Variants in FOXL1 observed in about 807,000 individuals in gnomAD.
FOXL1 encodes forkhead box L1, also known as forkhead box protein L1.
Under a neutral mutation model 1.7 loss-of-function variants are expected in FOXL1, and 2 were observed. The observed-to-expected ratio is 1.21, with a 90% CI of 0.49 to 3.80. The LOEUF (loss-of-function observed/expected upper bound fraction) is 3.80, where lower values mean the gene tolerates loss of function less well. Among genes scored for constraint, FOXL1 ranks in the 30% most tolerant of loss-of-function variants. The probability of loss-of-function intolerance (pLI) is 0.07; values close to 1 mark genes in which losing one functional copy is unlikely to be tolerated. For synonymous variants in FOXL1, 280 were observed against 229.3 expected (o/e 1.22, Z -2.00); for missense variants, 565 against 495.8 (o/e 1.14, Z -1.32).
chr16:86,578,660 C>T lies in FOXL1; in HGVS notation c.-64C>T, dbSNP rs1974368637. On this transcript the variant is annotated 5_prime_UTR_variant, in exon 1 of 1. Coordinates refer to ENST00000320241, the MANE Select transcript of FOXL1 (RefSeq NM_005250.3). ...CCGGGAGGGCCCTTGCGGCGCGGGG[C>T]GCAGTGCCTAGGCCGCCCGGGTCTC... is the stretch of plus-strand genomic sequence containing the variant. The T allele has an allele frequency of 3.5e-6, 5 of 1,448,956 alleles. No homozygotes were observed. The highest frequency in any genetic ancestry group is 4.6e-6 in the Non-Finnish European group (5 of 1,081,792). The allele number at this position is 1,448,956 out of a possible 1,614,324, so 89.8% of individuals were successfully genotyped here.
In FOXL1 at chr16:86,579,792, C is replaced by G; in HGVS notation, c.*31C>G. ...ACAATGGCACGGTTCTTCTCCCGGC[C>G]CAGCCTGAGCCTCCGCTGAGCGAAA... On this transcript the variant is annotated 3_prime_UTR_variant, in exon 1 of 1. Transcript: ENST00000320241. 4.4e-6 allele frequency: 7 copies of G among 1,578,618 alleles called. No individual in the cohort carries two copies. Among genetic ancestry groups the G allele is most frequent in the Non-Finnish European group, 5.2e-6 (6 of 1,151,682 alleles).
At position 86,579,403 on chromosome 16, in the gene FOXL1, C is replaced by A; in HGVS notation, c.680C>A (p.Ala227Asp). 1 of 1,526,810 alleles carries A rather than the reference C, an allele frequency of 6.5e-7. No homozygotes were observed. Among genetic ancestry groups the A allele is most frequent in the Middle Eastern group, 2.0e-4 (1 of 5,100 alleles). 94.6% of individuals were successfully genotyped at this position (1,526,810 alleles called of 1,614,324 possible). Residue 227 changes from alanine (A) to aspartate (D), a missense_variant, in exon 1 of 1, where the codon GCC becomes GAC. Coordinates refer to ENST00000320241, the MANE Select transcript of FOXL1 (RefSeq NM_005250.3). ...DAGDAAQGAA[A>D]VAVGQAARTG... Reference sequence around the variant, plus strand: ...GGTGACGCTGCCCAGGGCGCAGCGGCCGTGGCGGTCGGCCAGGCAGCGCGC... The same window carrying A: ...GGTGACGCTGCCCAGGGCGCAGCGGACGTGGCGGTCGGCCAGGCAGCGCGC...
Position 86,579,209 on chromosome 16 carries a change from C to T in FOXL1, c.486C>T (p.His162=). The T allele has an allele frequency of 2.5e-6, 4 of 1,574,878 alleles. No homozygotes were observed. The highest frequency in any genetic ancestry group is 3.4e-6 in the Non-Finnish European group (4 of 1,161,886). Residue 162 remains histidine (H), a synonymous_variant, in exon 1 of 1, where the codon CAC becomes CAT. Coordinates refer to ENST00000320241, the MANE Select transcript of FOXL1 (RefSeq NM_005250.3). ...PEAKRPRAET[H]QRSAEAQPEA... ...CCAAGAGGCCCCGCGCCGAGACGCACCAGCGCAGCGCGGAGGCGCAGCCGG... is the reference window on the plus strand; with the variant it reads ...CCAAGAGGCCCCGCGCCGAGACGCATCAGCGCAGCGCGGAGGCGCAGCCGG...
Position 86,581,906 on chromosome 16 carries a change from C to T in FOXL1, c.*2145C>T, listed in dbSNP as rs932702176. 1 of 153,418 alleles carries T rather than the reference C, an allele frequency of 6.5e-6. No homozygotes were observed. The highest frequency in any genetic ancestry group is 1.5e-5 in the Non-Finnish European group (1 of 68,004). 9.5% of individuals were successfully genotyped at this position (153,418 alleles called of 1,614,324 possible). Reference sequence around the variant, plus strand: ...AGAAAGCACGATGAGTTAATTCTGCCGTATTGAATCGGTTTTTAATCTTTC... The same window carrying T: ...AGAAAGCACGATGAGTTAATTCTGCTGTATTGAATCGGTTTTTAATCTTTC... On this transcript the variant is annotated 3_prime_UTR_variant, in exon 1 of 1. Coordinates refer to ENST00000320241, the MANE Select transcript of FOXL1 (RefSeq NM_005250.3).
At position 86,578,816 on chromosome 16, in the gene FOXL1, C is replaced by G. The variant is rs1974372084; in HGVS notation, c.93C>G (p.Ala31=). The G allele has an allele frequency of 1.9e-6, 3 of 1,613,524 alleles. No individual in the cohort carries two copies. The Admixed American group carries it at 5.0e-5, about 27-fold the overall frequency. The change falls in exon 1 of 1, where the codon GCC becomes GCG. Residue 31 remains alanine (A), a synonymous_variant. Transcript: ENST00000320241. ...CCGAGAGACCCGGCCTCCCTCTGGC[C>G]TTCGCCCCCGCGGCTGCTCTAGCTG... ...YGPERPGLPL[A]FAPAAALAAS...
chr16:86,582,518 C>G lies in FOXL1; in HGVS notation c.*2757C>G, dbSNP rs1229732911. On this transcript the variant is annotated 3_prime_UTR_variant, in exon 1 of 1. Coordinates refer to ENST00000320241, the MANE Select transcript of FOXL1 (RefSeq NM_005250.3). ...ATCTTTGGTTCAAGCCCTGATTACA[C>G]ACACACACAAACAAATACCCACACA... Among the ~76,000 whole-genome samples, 2 of 152,184 alleles carry G rather than the reference C, an allele frequency of 1.3e-5. No homozygotes were observed. Among genetic ancestry groups the G allele is most frequent in the Non-Finnish European group, 2.9e-5 (2 of 68,030 alleles).
rs1174551852 is a variant in FOXL1, at chr16:86,579,659, G to T, written c.936G>T (p.Leu312=). The change falls in exon 1 of 1, where the codon CTG becomes CTT. Residue 312 remains leucine, a synonymous_variant. Coordinates refer to ENST00000320241, the MANE Select transcript of FOXL1 (RefSeq NM_005250.3). ...TCCGTCCGCCTTTCAACGCTTCCCTGATGCTCGACCCGCATGTCCAGGGCG... is the reference window on the plus strand; with the variant it reads ...TCCGTCCGCCTTTCAACGCTTCCCTTATGCTCGACCCGCATGTCCAGGGCG... ...SSLRPPFNAS[L]MLDPHVQGGF... is the part of the protein sequence containing the mutation. 1 of 1,613,868 alleles carries T rather than the reference G, an allele frequency of 6.2e-7. No individual in the cohort carries two copies. The highest frequency in any genetic ancestry group is 2.2e-5 in the East Asian group (1 of 44,866).
chr16:86,581,263 C>T lies in FOXL1; in HGVS notation c.*1502C>T, dbSNP rs1300408528. On this transcript the variant is annotated 3_prime_UTR_variant, in exon 1 of 1. Coordinates refer to ENST00000320241, the MANE Select transcript of FOXL1 (RefSeq NM_005250.3). ...TTTATTTTATGTCATGTGATAAAGA[C>T]ACAAGTAGTCACGCACTATTGGAAA... 1 of 167,054 alleles carries T rather than the reference C, an allele frequency of 6.0e-6. No homozygotes were observed. Among genetic ancestry groups the T allele is most frequent in the Non-Finnish European group, 1.5e-5 (1 of 68,110 alleles). The allele number at this position is 167,054 out of a possible 1,614,324, so 10.3% of individuals were successfully genotyped here.
Position 86,580,759 on chromosome 16 carries a change from C to T in FOXL1, c.*998C>T, listed in dbSNP as rs1205679102. 1 of 166,952 alleles carries T rather than the reference C, an allele frequency of 6.0e-6. No homozygotes were observed. Among genetic ancestry groups the T allele is most frequent in the Non-Finnish European group, 1.5e-5 (1 of 68,116 alleles). The allele number at this position is 166,952 out of a possible 1,614,324, so 10.3% of individuals were successfully genotyped here. On this transcript the variant is annotated 3_prime_UTR_variant, in exon 1 of 1. Coordinates refer to ENST00000320241, the MANE Select transcript of FOXL1 (RefSeq NM_005250.3). ...TTTCCATGTTTTTTCAAGATCCAGG[C>T]TTGGTGGTCGCTATATTTTTCAGAA...
rs1974367652 is a variant in FOXL1 at position 86,578,611 on chromosome 16, A to T, written c.-113A>T. 1.2e-6 allele frequency: 1 copy of T among 841,754 alleles called. No homozygotes were observed. The highest frequency in any genetic ancestry group is 1.7e-5 in the African/African-American group (1 of 58,770). The allele number at this position is 841,754 out of a possible 1,614,324, so 52.1% of individuals were successfully genotyped here. A position where few individuals can be genotyped will look rare whatever the true frequency, so the allele number is the denominator to read the frequency against. On this transcript the variant is annotated 5_prime_UTR_variant, in exon 1 of 1. Transcript: ENST00000320241. Reference sequence around the variant, plus strand: ...AGCGGCCGGGGAGAGCGGCAGAGCCAGAGGCAGAGGCACGGCTGGCTCCCC... The same window carrying T: ...AGCGGCCGGGGAGAGCGGCAGAGCCTGAGGCAGAGGCACGGCTGGCTCCCC...
In FOXL1 at chr16:86,579,765, A is replaced by G. The variant is rs199660959; in HGVS notation, c.*4A>G. 2.2e-5 allele frequency: 35 copies of G among 1,610,710 alleles called. No individual in the cohort carries two copies. In the African/African-American group the frequency reaches 4.1e-4, roughly 19 times the overall value. On this transcript the variant is annotated 3_prime_UTR_variant, in exon 1 of 1. Transcript: ENST00000320241. ...CACGGTACTCCACTTCCAGTAAAGCAAACAATGGCACGGTTCTTCTCCCGG... is the reference window on the plus strand; with the variant it reads ...CACGGTACTCCACTTCCAGTAAAGCGAACAATGGCACGGTTCTTCTCCCGG...
In FOXL1 at chr16:86,579,459, C is replaced by A. The variant is rs753469540; in HGVS notation, c.736C>A (p.Pro246Thr). ...GGACGGCCCGGGGTCCCCTCTGCGC[C>A]CCGCCTCCCGCAGCTCTCCGAAGAG... Reference protein sequence around the residue: ...TGDGPGSPLRPASRSSPKSSD... With the variant: ...TGDGPGSPLRTASRSSPKSSD... Residue 246 changes from proline (P) to threonine (T), a missense_variant, in exon 1 of 1, where the codon CCC (proline) becomes ACC (threonine). Physicochemically the swap from Pro to Thr is conservative, Grantham distance 38 (BLOSUM62 -1). Coordinates refer to ENST00000320241, the MANE Select transcript of FOXL1 (RefSeq NM_005250.3). The A allele has an allele frequency of 3.9e-6, 6 of 1,555,794 alleles. No individual in the cohort carries two copies. Among genetic ancestry groups the A allele is most frequent in the Non-Finnish European group, 5.2e-6 (6 of 1,150,328 alleles).
Position 86,581,665 on chromosome 16 carries a change from CTG to C in FOXL1, c.*1907_*1908del, listed in dbSNP as rs1295169257. 3.0e-5 allele frequency: 5 copies of C among 167,114 alleles called. No individual in the cohort carries two copies. Among genetic ancestry groups the C allele is most frequent in the African/African-American group, 1.2e-4 (5 of 41,450 alleles). 10.4% of individuals were successfully genotyped at this position (167,114 alleles called of 1,614,324 possible). A position where few individuals can be genotyped will look rare whatever the true frequency, so the allele number is the denominator to read the frequency against. The stretch of plus-strand genomic sequence containing the variant: ...TTTTGCTATCCCAAACTCTCAGCCT[CTG>C]TGAATAAAGTTGTTTTTTCATTAAC... On this transcript the variant is annotated 3_prime_UTR_variant, in exon 1 of 1. Transcript: ENST00000320241.
chr16:86,580,791 A>G lies in FOXL1; in HGVS notation c.*1030A>G, dbSNP rs1384159524. On this transcript the variant is annotated 3_prime_UTR_variant, in exon 1 of 1. Transcript: ENST00000320241. ...GTCGCTATATTTTTCAGAAACAGATAATGAAAGACTACATTTAATTTAAAA... is the reference window on the plus strand; with the variant it reads ...GTCGCTATATTTTTCAGAAACAGATGATGAAAGACTACATTTAATTTAAAA... 1.2e-5 allele frequency: 2 copies of G among 167,048 alleles called. No homozygotes were observed. The highest frequency in any genetic ancestry group is 2.1e-4 in the South Asian group (1 of 4,830). 10.3% of individuals were successfully genotyped at this position (167,048 alleles called of 1,614,324 possible).
rs1335395439 is a variant in FOXL1 at position 86,581,637 on chromosome 16, A to G, written c.*1876A>G. On this transcript the variant is annotated 3_prime_UTR_variant, in exon 1 of 1. Transcript: ENST00000320241. ...AATGTAGCGAAAGGGCTGTCACTGG[A>G]TATTTTGCTATCCCAAACTCTCAGC... The G allele has an allele frequency of 1.2e-5, 2 of 167,106 alleles. No individual in the cohort carries two copies. The highest frequency in any genetic ancestry group is 4.8e-5 in the African/African-American group (2 of 41,460). 10.4% of individuals were successfully genotyped at this position (167,106 alleles called of 1,614,324 possible). A position where few individuals can be genotyped will look rare whatever the true frequency, so the allele number is the denominator to read the frequency against.
chr16:86,579,979 A>G lies in FOXL1; in HGVS notation c.*218A>G. On this transcript the variant is annotated 3_prime_UTR_variant, in exon 1 of 1. Coordinates refer to ENST00000320241, the MANE Select transcript of FOXL1 (RefSeq NM_005250.3). ...AACTGGGAGCAGCTACGGAGACTTA[A>G]AAGATCCCCGCGGGGTCGTGGGCAC... 1 of 601,436 alleles carries G rather than the reference A, an allele frequency of 1.7e-6. No individual in the cohort carries two copies. The allele number at this position is 601,436 out of a possible 1,614,324, so 37.3% of individuals were successfully genotyped here. A position where few individuals can be genotyped will look rare whatever the true frequency, so the allele number is the denominator to read the frequency against.
rs1974431937 is a variant in FOXL1, at chr16:86,583,064, G to C, written c.*3303G>C. Among the ~76,000 whole-genome samples the C allele has an allele frequency of 6.7e-6, 1 of 150,088 alleles. No individual in the cohort carries two copies. Among genetic ancestry groups the C allele is most frequent in the South Asian group, 2.2e-4 (1 of 4,622 alleles). Reference sequence around the variant, plus strand: ...AAACAAACGGCCTCCTGGGCCTCCAGTGAACCATAAGAGTTTTGAGAACCT... The same window carrying C: ...AAACAAACGGCCTCCTGGGCCTCCACTGAACCATAAGAGTTTTGAGAACCT... On this transcript the variant is annotated 3_prime_UTR_variant, in exon 1 of 1. Transcript: ENST00000320241.
chr16:86,582,956 C>A lies in FOXL1; in HGVS notation c.*3195C>A, dbSNP rs541164753. 1.3e-5 allele frequency among the ~76,000 whole-genome samples: 2 copies of A among 150,830 alleles called. No homozygotes were observed. Among genetic ancestry groups the A allele is most frequent in the South Asian group, 4.2e-4 (2 of 4,708 alleles). On this transcript the variant is annotated 3_prime_UTR_variant, in exon 1 of 1. Transcript: ENST00000320241. ...TCGCGGAAGACACCCGCTTTGAGAA[C>A]TTTTCCCTCCGTTCACAAGGACAGA...
chr16:86,579,677 C>A lies in FOXL1; in HGVS notation c.954C>A (p.Val318=). ...CTTCCCTGATGCTCGACCCGCATGT[C>A]CAGGGCGGCTTTTACCAGCTCGGGA... The part of the protein sequence containing the change: ...FNASLMLDPH[V]QGGFYQLGIP... Residue 318 remains valine (V), a synonymous_variant, in exon 1 of 1, where the codon GTC becomes GTA. Transcript: ENST00000320241. The A allele has an allele frequency of 1.2e-6, 2 of 1,613,952 alleles. No homozygotes were observed. The highest frequency in any genetic ancestry group is 8.5e-7 in the Non-Finnish European group (1 of 1,180,012).
Sources: gnomAD v4.1 joint callset for allele counts (sites outside exome capture counted in the v4.1 genomes callset) on GRCh38, gnomAD v4.1.1 for gene constraint, MANE v1.5 for transcripts, NCBI Gene and HGNC (gene_info 2026-07-23, HGNC 2026-07-21) for gene names.